LAD1: variants seen among roughly 807,000 people sequenced by gnomAD.
The protein encoded by LAD1 is ladinin-1.
In LAD1, 53 loss-of-function variants were observed where a neutral mutation model predicts 54.2. That is an observed-to-expected ratio of 0.98 (90% CI 0.78 to 1.23). The LOEUF (loss-of-function observed/expected upper bound fraction) is 1.23. Ranked by LOEUF, LAD1 falls within the 50% of genes most tolerant of loss-of-function variation. LAD1 has a pLI of 0.00. For synonymous variants in LAD1, 231 were observed against 257.7 expected, an observed-to-expected ratio of 0.90 and a Z score of 0.99; for missense variants, 637 against 653.3, an observed-to-expected ratio of 0.98 and a Z score of 0.27.
At chr1:201,388,165 T>C (rs1662132150) in intron 2 of LAD1, among the ~76,000 whole-genome samples, 1 of 152,134 alleles carries the variant, frequency 6.6e-6, no homozygotes, top group Non-Finnish European at 1.5e-5. Context: ...TTGAGGCTGG[T>C]GGATCACCTG....
intron 1 of LAD1, 76 bp downstream of exon 1, chr1:201,399,193 G>T (rs973559528): frequency 2.1e-5 from 26 of 1,210,750 alleles, no homozygotes; most frequent in Middle Eastern, 5.3e-4. Context: ...CGGGGAGGAG[G>T]CCGGTGCCCC....
At chr1:201,383,790 A>C (rs1247742210) in intron 5 of LAD1, among the ~76,000 whole-genome samples, 1 of 151,830 alleles carries the variant, frequency 6.6e-6, no homozygotes, top group Non-Finnish European at 1.5e-5. Flanking sequence ...CTCAGACCCC[A>C]TAGGCCTTGG....
intron 8 of LAD1, 25 bp from the exon 9 acceptor site, chr1:201,382,351 A>G (rs780441913): frequency 9.9e-5 from 157 of 1,578,106 alleles, no homozygotes; most frequent in Non-Finnish European, 1.3e-4. Flanking sequence ...CAGGGTGGAG[A>G]CCAGAGACTA....
chr1:201,389,086 G>A, intron 2 of LAD1, 74 bp downstream of exon 2: 3 of 1,535,260 alleles, frequency 2.0e-6, no homozygotes, highest in Non-Finnish European at 2.7e-6. Flanking sequence ...TCCCTGAGCA[G>A]ACTGAATATG....
chr1:201,398,893 G>C (rs190928739), intron 1 of LAD1, among the ~76,000 whole-genome samples: 1 of 152,168 alleles, frequency 6.6e-6, no homozygotes, highest in Non-Finnish European at 1.5e-5. Context: ...AGAGACACAC[G>C]GGGGCAGTGA....
chr1:201,395,525 G>A (rs547562011), intron 1 of LAD1, among the ~76,000 whole-genome samples: 62 of 152,256 alleles, frequency 4.1e-4, no homozygotes, highest in African/African-American at 1.3e-3. Context: ...AGGCCAAGGC[G>A]GCCGGATCAC....
rs771335161 is a variant in LAD1, at chr1:201,383,441, C to G, written c.1176-52G>C. On this transcript the variant is annotated intron_variant, in intron 5 of 9. Coordinates refer to ENST00000391967, the MANE Select transcript of LAD1 (RefSeq NM_005558.4). ...AGCCAAGTGAGACACCCAGGGAGACCAGGCCTGCCCCCAGGGCCTGAGGAG... is the reference window on the plus strand; with the variant it reads ...AGCCAAGTGAGACACCCAGGGAGACGAGGCCTGCCCCCAGGGCCTGAGGAG... The G allele has an allele frequency of 1.5e-5, 24 of 1,553,142 alleles. No homozygotes were observed. In the East Asian group the frequency reaches 4.9e-4, roughly 32 times the overall value.
chr1:201,383,042 C>T (rs753424841), intron 7 of LAD1, 32 bp downstream of exon 7: 9 of 1,601,742 alleles, frequency 5.6e-6, no homozygotes, highest in Non-Finnish European at 7.7e-6. Flanking sequence ...GGCTAATCAC[C>T]CTAAGGACCC....
At chr1:201,382,972 A>G (rs995589099) in intron 7 of LAD1, 102 bp downstream of exon 7, 2 of 1,360,790 alleles carry the variant, frequency 1.5e-6, no homozygotes, top group Non-Finnish European at 2.0e-6. Flanking sequence ...ACATTAATTG[A>G]CACATGAAAA....
At chr1:201,392,530 C>G (rs951719664) in intron 1 of LAD1, among the ~76,000 whole-genome samples, 1 of 152,216 alleles carries the variant, frequency 6.6e-6, no homozygotes, top group African/African-American at 2.4e-5. Flanking sequence ...CCAGATCCGT[C>G]AGCCAGTGTT....
At chr1:201,399,230 G>A (rs779777812) in intron 1 of LAD1, 39 bp downstream of exon 1, 1 of 1,511,042 alleles carries the variant, frequency 6.6e-7, no homozygotes, top group Non-Finnish European at 8.9e-7. Flanking sequence ...AAGGCTCCCC[G>A]CCGACCCCCC....
rs781507786 is a variant in LAD1, at chr1:201,386,375, G to A, written c.986C>T (p.Pro329Leu). ...PSLAKQGASD[P>L]PTVASRLPPV... ...TGGGAGGCGGGAGGCCACAGTCGGA[G>A]GGTCTGAAGCCCCCTGCTTTGCCAA... is the stretch of plus-strand genomic sequence containing the variant. Residue 329 changes from proline to leucine, a missense_variant, in exon 3 of 10, where the codon CCT becomes CTT. Transcript: ENST00000391967. 2 of 1,508,572 alleles carry A rather than the reference G, an allele frequency of 1.3e-6. No individual in the cohort carries two copies. Among genetic ancestry groups the A allele is most frequent in the Non-Finnish European group, 1.8e-6 (2 of 1,131,528 alleles). The allele number at this position is 1,508,572 out of a possible 1,614,324, so 93.4% of individuals were successfully genotyped here.
Position 201,395,121 on chromosome 1 carries a change from T to C in LAD1, c.38+4148A>G, listed in dbSNP as rs1662266290. ...TGATGTGGCCACCGCCCCTGCTGCT[T>C]GGGAATCATGGGGCTGCCTTCAACC... is the stretch of plus-strand genomic sequence containing the variant. On this transcript the variant is annotated intron_variant, in intron 1 of 9. Coordinates refer to ENST00000391967, the MANE Select transcript of LAD1 (RefSeq NM_005558.4). Among the ~76,000 whole-genome samples the C allele has an allele frequency of 1.3e-5, 2 of 152,170 alleles. 1 individual carries two copies. The highest frequency in any genetic ancestry group is 4.1e-4 in the South Asian group (2 of 4,832).
rs1038652923 is a variant in LAD1 at position 201,381,696 on chromosome 1, G to C, written c.*192C>G. The stretch of plus-strand genomic sequence containing the variant: ...CAGGGTGAGAAAGTCCCAGCCCCAA[G>C]AGGCTGGGCTGGGAAGGAGCTGGCT... On this transcript the variant is annotated 3_prime_UTR_variant, in exon 10 of 10. Transcript: ENST00000391967. 3 of 679,898 alleles carry C rather than the reference G, an allele frequency of 4.4e-6. No individual in the cohort carries two copies. Among genetic ancestry groups the C allele is most frequent in the African/African-American group, 1.8e-5 (1 of 55,582 alleles). 42.1% of individuals were successfully genotyped at this position (679,898 alleles called of 1,614,324 possible).
chr1:201,395,601 A>C (rs186078093), intron 1 of LAD1, among the ~76,000 whole-genome samples: 1 of 152,146 alleles, frequency 6.6e-6, no homozygotes, highest in African/African-American at 2.4e-5. Flanking sequence ...TAAAAATAGA[A>C]AAAAAATAGC....
Position 201,381,856 on chromosome 1 carries a change from G to A in LAD1, c.*32C>T, listed in dbSNP as rs1421889725. ...TGGCATGAGGGAGGTCCCTTGAGAC[G>A]AAGACTTGCAGGTCTGTCTTGGCGG... On this transcript the variant is annotated 3_prime_UTR_variant, in exon 10 of 10. Transcript: ENST00000391967. 3.7e-6 allele frequency: 6 copies of A among 1,612,996 alleles called. No individual in the cohort carries two copies. The highest frequency in any genetic ancestry group is 4.2e-6 in the Non-Finnish European group (5 of 1,179,076).
At position 201,387,088 on chromosome 1, in the gene LAD1, T is replaced by C. The variant is rs1342966545; in HGVS notation, c.273A>G (p.Thr91=). ...GCCGCCTCTGCCTCCGCTCCTGCCG[T>C]GTTCTGAGGATGCTCTGGATGTCCT... ...EDEDIQSILR[T]RQERRQRRQV... The change falls in exon 3 of 10, where the codon ACA becomes ACG. Residue 91 remains threonine (T), a synonymous_variant. Transcript: ENST00000391967. The C allele has an allele frequency of 1.2e-6, 2 of 1,607,706 alleles. No individual in the cohort carries two copies. Among genetic ancestry groups the C allele is most frequent in the Middle Eastern group, 1.7e-4 (1 of 6,028 alleles).
intron 1 of LAD1, among the ~76,000 whole-genome samples, chr1:201,394,238 T>C (rs1255448118): frequency 2.0e-5 from 3 of 152,188 alleles, no homozygotes; most frequent in African/African-American, 7.2e-5. Flanking sequence ...TCTGCCTCGA[T>C]GCCGAGGCGC....
In LAD1 at chr1:201,385,754, G is replaced by C. The variant is rs369301372; in HGVS notation, c.1078C>G (p.Arg360Gly). Residue 360 changes from arginine (R) to glycine (G), a missense_variant, in exon 4 of 10, where the codon CGA (arginine) becomes GGA (glycine). Arg to Gly is a moderately radical substitution (Grantham distance 125). Coordinates refer to ENST00000391967, the MANE Select transcript of LAD1 (RefSeq NM_005558.4). Reference sequence around the variant, plus strand: ...CGTTTGAGGGAGCTGCTGTAGGTTCGCTGTGTGGGTGAGGACATATCTGCC... The same window carrying C: ...CGTTTGAGGGAGCTGCTGTAGGTTCCCTGTGTGGGTGAGGACATATCTGCC... ...EEADMSSPTQRTYSSSLKRSS... is the reference protein window; with the variant it reads ...EEADMSSPTQGTYSSSLKRSS... The C allele has an allele frequency of 1.9e-6, 3 of 1,614,028 alleles. No homozygotes were observed. The highest frequency in any genetic ancestry group is 2.7e-5 in the African/African-American group (2 of 74,936).
Sources: allele counts gnomAD v4.1 joint callset (sites outside exome capture counted in the v4.1 genomes callset), GRCh38; gene constraint gnomAD v4.1.1; transcripts MANE v1.5; gene names NCBI Gene and HGNC (gene_info 2026-07-23, HGNC 2026-07-21).